Variants in MALRD1 observed in about 807,000 individuals in gnomAD.
MALRD1 encodes MAM and LDL receptor class A domain containing 1.
In MALRD1, 247 loss-of-function variants were observed where a neutral mutation model predicts 242.1. The ratio of observed to expected loss-of-function variants is 1.02; its 90% CI spans 0.92 to 1.13. MALRD1 has a LOEUF of 1.13. Ranked by LOEUF, MALRD1 falls within the 50% of genes most tolerant of loss-of-function variation. The probability of loss-of-function intolerance (pLI) is 0.00; values close to 1 mark genes in which losing one functional copy is unlikely to be tolerated. For missense variants in MALRD1, 2,989 were observed against 2,533.1 expected (o/e 1.18, Z -3.86); for synonymous variants, 995 against 866.6 (o/e 1.15, Z -2.60).
rs1554779436 is a variant in MALRD1, at chr10:19,051,948, A to AAC, written c.199+2812_199+2813insCA. On this transcript the variant is annotated intron_variant, in intron 1 of 39. Transcript: ENST00000454679. The stretch of plus-strand genomic sequence containing the variant: ...AAAAAAAAAAAAAAAAAAAAAAAAA[A>AAC]AAAAGGAAAGCCAAATATACAGCCT... 1.8e-3 allele frequency: 306 copies of AAC among 169,780 alleles called. 29 individuals carry two copies. The highest frequency in any genetic ancestry group is 7.4e-3 in the African/African-American group (251 of 34,000). The allele number at this position is 169,780 out of a possible 1,614,324, so 10.5% of individuals were successfully genotyped here.
chr10:19,456,978 T>C (rs1048936767), intron 29 of MALRD1, among the ~76,000 whole-genome samples: 1 of 151,988 alleles, frequency 6.6e-6, no homozygotes, highest in African/African-American at 2.4e-5. Flanking sequence ...CTTATATTAT[T>C]AGAATGATAG....
chr10:19,699,619 A>C (rs1433142964), intron 38 of MALRD1, among the ~76,000 whole-genome samples: 1 of 152,074 alleles, frequency 6.6e-6, no homozygotes, highest in South Asian at 2.1e-4. Context: ...ATTTAAAAAG[A>C]TGTTTAATTG....
At chr10:19,397,223 A>C (rs1365887396) in intron 28 of MALRD1, among the ~76,000 whole-genome samples, 1 of 152,024 alleles carries the variant, frequency 6.6e-6, no homozygotes, top group Non-Finnish European at 1.5e-5. Flanking sequence ...ATACTCCACC[A>C]ATCTCTCCCT....
intron 21 of MALRD1, among the ~76,000 whole-genome samples, chr10:19,284,092 ATGGCTGGGG>A (rs1248119383): frequency 2.0e-5 from 3 of 152,206 alleles, no homozygotes; most frequent in African/African-American, 7.2e-5. Context: ...GAAGACCAGC[ATGGCTGGGG>A]TGGGATAAGA....
rs552690037 is a variant in MALRD1, at chr10:19,537,434, GTGTC to G, written c.5478+6085_5478+6088del. Among the ~76,000 whole-genome samples, 188 of 152,144 alleles carry G rather than the reference GTGTC, an allele frequency of 1.2e-3. 1 individual carries two copies. In the Middle Eastern group the frequency reaches 0.024, roughly 19 times the overall value. On this transcript the variant is annotated intron_variant, in intron 32 of 39. Transcript: ENST00000454679. ...CAAGATCAAGGGGCTGGCAAGTTTGGTGTCTTACCAGACCTTTTTTGTGACTTCA... is the reference window on the plus strand; with the variant it reads ...CAAGATCAAGGGGCTGGCAAGTTTGGTTACCAGACCTTTTTTGTGACTTCA...
chr10:19,112,782 A>G (rs1277790253), intron 5 of MALRD1, among the ~76,000 whole-genome samples: 1 of 152,186 alleles, frequency 6.6e-6, no homozygotes, highest in Non-Finnish European at 1.5e-5. Context: ...CAGATTTATG[A>G]GTGGAATAAG....
At chr10:19,600,821 A>G (rs2131575843) in intron 34 of MALRD1, among the ~76,000 whole-genome samples, 1 of 152,270 alleles carries the variant, frequency 6.6e-6, no homozygotes, top group Admixed American at 6.5e-5. Context: ...TGTGTTACTT[A>G]GCCTATTTTG....
chr10:19,395,822 T>C (rs1390913362), intron 28 of MALRD1, among the ~76,000 whole-genome samples: 1 of 152,224 alleles, frequency 6.6e-6, no homozygotes, highest in Non-Finnish European at 1.5e-5. Flanking sequence ...TTAAACTTCT[T>C]CTGTTCCCAT....
intron 16 of MALRD1, 122 bp downstream of exon 16, chr10:19,204,535 G>C: frequency 1.5e-6 from 1 of 661,916 alleles, no homozygotes; most frequent in Middle Eastern, 3.4e-4. Context: ...TCTAAAAATA[G>C]TATTGCATTA....
At chr10:19,339,395 CA>C (rs1377007382) in intron 24 of MALRD1, among the ~76,000 whole-genome samples, 1 of 152,088 alleles carries the variant, frequency 6.6e-6, no homozygotes, top group Non-Finnish European at 1.5e-5. Flanking sequence ...TTCACGTTTT[CA>C]ACATTTTGCC....
In MALRD1 at chr10:19,194,713, C is replaced by T. The variant is rs1406152910; in HGVS notation, c.1952-9015C>T. Among the ~76,000 whole-genome samples, 5 of 152,220 alleles carry T rather than the reference C, an allele frequency of 3.3e-5. No individual in the cohort carries two copies. In the East Asian group the frequency reaches 9.7e-4, roughly 30 times the overall value. On this transcript the variant is annotated intron_variant, in intron 14 of 39. Transcript: ENST00000454679. Reference sequence around the variant, plus strand: ...CCCATTTTATATGACAGCTTTCCACCTCATTTCTCAGTTTTCCTTGATAAA... The same window carrying T: ...CCCATTTTATATGACAGCTTTCCACTTCATTTCTCAGTTTTCCTTGATAAA...
At chr10:19,468,938 AT>A (rs147121210) in intron 29 of MALRD1, among the ~76,000 whole-genome samples, 1 of 151,622 alleles carries the variant, frequency 6.6e-6, no homozygotes, top group African/African-American at 2.4e-5. Flanking sequence ...CCTCCTCTTA[AT>A]TTTTTTAATA....
intron 21 of MALRD1, among the ~76,000 whole-genome samples, chr10:19,310,741 C>T (rs564563233): frequency 2.6e-4 from 39 of 151,566 alleles, no homozygotes; most frequent in Non-Finnish European, 4.9e-4. Context: ...TTTTGTGCCA[C>T]TGTGCCTTCT....
intron 18 of MALRD1, among the ~76,000 whole-genome samples, chr10:19,253,596 C>G (rs372331073): frequency 2.6e-4 from 39 of 151,992 alleles, no homozygotes; most frequent in Middle Eastern, 3.4e-3. Flanking sequence ...TTCACAGCCA[C>G]AAGTATTTTT....
At chr10:19,422,738 T>G (rs1289973463) in intron 28 of MALRD1, among the ~76,000 whole-genome samples, 1 of 152,242 alleles carries the variant, frequency 6.6e-6, no homozygotes, top group Admixed American at 6.5e-5. Flanking sequence ...GTTTATTTTG[T>G]CTGAGTTTTC....
At position 19,150,745 on chromosome 10, in the gene MALRD1, G is replaced by A. The variant is rs185177770; in HGVS notation, c.1559-4330G>A. On this transcript the variant is annotated intron_variant, in intron 11 of 39. Transcript: ENST00000454679. ...TTTTTCTAATATTTTTCTTTTGCTCGTTTAAGACAGAAGATAAAATCTAGT... is the reference window on the plus strand; with the variant it reads ...TTTTTCTAATATTTTTCTTTTGCTCATTTAAGACAGAAGATAAAATCTAGT... 6.9e-4 allele frequency among the ~76,000 whole-genome samples: 105 copies of A among 152,018 alleles called. 1 individual carries two copies. The South Asian group carries it at 0.012, about 17-fold the overall frequency.
chr10:19,345,477 T>A (rs1844074987), intron 24 of MALRD1, among the ~76,000 whole-genome samples: 1 of 152,116 alleles, frequency 6.6e-6, no homozygotes. Flanking sequence ...TCCTGACATC[T>A]ACTCCCCAGT....
At chr10:19,114,693 A>G (rs148848635) in intron 5 of MALRD1, among the ~76,000 whole-genome samples, 36 of 152,300 alleles carry the variant, frequency 2.4e-4, no homozygotes, top group African/African-American at 7.9e-4. Context: ...CACCTGCCCT[A>G]CACACCTCAG....
intron 14 of MALRD1, among the ~76,000 whole-genome samples, chr10:19,198,292 A>G (rs1394476820): frequency 1.3e-5 from 2 of 152,198 alleles, no homozygotes; most frequent in Non-Finnish European, 1.5e-5. Flanking sequence ...TGTGAGCAAC[A>G]TATTTGCATT....
Sources: allele counts gnomAD v4.1 joint callset (sites outside exome capture counted in the v4.1 genomes callset), GRCh38; gene constraint gnomAD v4.1.1; transcripts MANE v1.5; gene names NCBI Gene and HGNC (gene_info 2026-07-23, HGNC 2026-07-21).